Variants in PCSK6 observed in about 807,000 individuals in gnomAD.
PCSK6 encodes the protein proprotein convertase subtilisin/kexin type 6.
PCSK6 carries 85 observed loss-of-function variants against 123.3 expected under a neutral mutation model. The observed-to-expected ratio is 0.69, with a 90% CI of 0.58 to 0.83. The LOEUF (loss-of-function observed/expected upper bound fraction) is 0.83, where lower values mean the gene tolerates loss of function less well. PCSK6 is among the 40% of genes least tolerant of loss of function. The probability of loss-of-function intolerance (pLI) is 0.00; values close to 1 mark genes in which losing one functional copy is unlikely to be tolerated. For missense variants in PCSK6, 1,191 were observed against 1,282.3 expected, an observed-to-expected ratio of 0.93 and a Z score of 1.09; for synonymous variants, 508 against 516.0, an observed-to-expected ratio of 0.98 and a Z score of 0.21.
At chr15:101,487,712 G>T (rs1380250922) in intron 1 of PCSK6, among the ~76,000 whole-genome samples, 1 of 152,184 alleles carries the variant, frequency 6.6e-6, no homozygotes, top group African/African-American at 2.4e-5. Flanking sequence ...GGGCACAGCA[G>T]CGAAGTGTGG....
intron 19 of PCSK6, among the ~76,000 whole-genome samples, chr15:101,317,230 A>C (rs1478025692): frequency 6.6e-6 from 1 of 152,190 alleles, no homozygotes; most frequent in Non-Finnish European, 1.5e-5. Flanking sequence ...CTTAATTCTT[A>C]AAGTATTACT....
intron 13 of PCSK6, among the ~76,000 whole-genome samples, chr15:101,351,053 C>A (rs2141410470): frequency 6.6e-6 from 1 of 152,160 alleles, no homozygotes; most frequent in East Asian, 1.9e-4. Context: ...ATTATCTGTG[C>A]TTCAGGGTTA....
chr15:101,415,579 AT>A (rs1011541846), intron 6 of PCSK6, among the ~76,000 whole-genome samples: 7 of 152,166 alleles, frequency 4.6e-5, no homozygotes, highest in East Asian at 3.8e-4. Context: ...TCTGATACAG[AT>A]TTTTTTTACT....
At position 101,430,012 on chromosome 15, in the gene PCSK6, G is replaced by A. The variant is rs868036286; in HGVS notation, c.709C>T (p.Arg237Ter). ...VNGNDYDPSP[R>*]YDASNENKHG... ...TTATTTTCATTGCTGGCATCATATCGTGGAGATGGGTCATAATCATTGCCG... is the reference window on the plus strand; with the variant it reads ...TTATTTTCATTGCTGGCATCATATCATGGAGATGGGTCATAATCATTGCCG... Residue 237 changes from arginine to a stop codon, truncating the protein, a stop_gained, in exon 5 of 22, where the codon CGA becomes TGA. Coordinates refer to ENST00000611716, the MANE Select transcript of PCSK6 (RefSeq NM_002570.5). LOFTEE classifies it high-confidence loss of function. 1.2e-5 allele frequency: 20 copies of A among 1,613,778 alleles called. No homozygotes were observed. The highest frequency in any genetic ancestry group is 1.7e-5 in the Admixed American group (1 of 60,022).
intron 1 of PCSK6, among the ~76,000 whole-genome samples, chr15:101,483,232 G>A (rs150580141): frequency 1.5e-3 from 232 of 152,304 alleles, no homozygotes; most frequent in Middle Eastern, 0.01. Context: ...GCTGTGGCTG[G>A]AACAAGTTCT....
intron 1 of PCSK6, among the ~76,000 whole-genome samples, chr15:101,474,552 T>C (rs919717367): frequency 2.6e-5 from 4 of 152,222 alleles, no homozygotes; most frequent in African/African-American, 9.6e-5. Context: ...TACCCTCTAA[T>C]GGCATCGAGG....
At chr15:101,362,749 A>C (rs1260841985) in intron 13 of PCSK6, among the ~76,000 whole-genome samples, 1 of 152,208 alleles carries the variant, frequency 6.6e-6, no homozygotes, top group Non-Finnish European at 1.5e-5. Context: ...AAGGCCTAGA[A>C]AAGCTAAGTG....
At chr15:101,324,265 G>A (rs3784513) in intron 17 of PCSK6, among the ~76,000 whole-genome samples, 31,018 of 152,192 alleles carry the variant, frequency 0.2, 3,596 homozygotes, top group East Asian at 0.29. Flanking sequence ...CCCAACTGAC[G>A]TTGGTCAGCA....
intron 13 of PCSK6, among the ~76,000 whole-genome samples, chr15:101,345,686 G>A (rs147114601): frequency 2.6e-5 from 4 of 151,646 alleles, no homozygotes; most frequent in Admixed American, 2.0e-4. Context: ...TCTTTTTTTT[G>A]AGACGGAGTC....
intron 11 of PCSK6, among the ~76,000 whole-genome samples, chr15:101,373,342 G>A (rs2041640342): frequency 6.6e-6 from 1 of 152,202 alleles, no homozygotes; most frequent in Non-Finnish European, 1.5e-5. Context: ...CCTGGAACAA[G>A]GCTAACTGTA....
chr15:101,313,859 A>G (rs1439642780), intron 19 of PCSK6: 3 of 196,010 alleles, frequency 1.5e-5, no homozygotes, highest in Non-Finnish European at 3.1e-5. Flanking sequence ...TATAAAAAAT[A>G]TAAAACAGCT....
intron 5 of PCSK6, 39 bp downstream of exon 5, chr15:101,429,948 G>A (rs757820832): frequency 6.6e-7 from 1 of 1,511,508 alleles, no homozygotes; most frequent in Non-Finnish European, 9.2e-7. Flanking sequence ...GCTGCAGGGA[G>A]GGGAAGAGAA....
chr15:101,408,042 A>C (rs984268091), intron 6 of PCSK6, among the ~76,000 whole-genome samples: 2 of 152,182 alleles, frequency 1.3e-5, no homozygotes, highest in Non-Finnish European at 2.9e-5. Context: ...GGAGAACAGA[A>C]GTGCATGGCC....
In PCSK6 at chr15:101,398,194, G is replaced by A. The variant is rs1318227362; in HGVS notation, c.996+210C>T. On this transcript the variant is annotated intron_variant, in intron 7 of 21. Transcript: ENST00000611716. This position sits in a 1 kb window ranked among gnomAD's most constrained non-coding sequence, Gnocchi z 4.6. ...GGCTGTCACTGGAACAGCTGTTCTG[G>A]AACGAGGCAAAAACACTTCTGCTCT... Among the ~76,000 whole-genome samples the A allele has an allele frequency of 3.3e-5, 5 of 152,174 alleles. No homozygotes were observed. The highest frequency in any genetic ancestry group is 4.8e-5 in the African/African-American group (2 of 41,440).
At chr15:101,403,762 C>G (rs1259539841) in intron 6 of PCSK6, among the ~76,000 whole-genome samples, 2 of 152,042 alleles carry the variant, frequency 1.3e-5, no homozygotes, top group Non-Finnish European at 2.9e-5. Flanking sequence ...CTCTGTTGCC[C>G]AGGTTGGAGG....
chr15:101,367,518 C>T (rs966645294), intron 12 of PCSK6, among the ~76,000 whole-genome samples: 2 of 152,296 alleles, frequency 1.3e-5, no homozygotes, highest in South Asian at 2.1e-4. Flanking sequence ...CCTGTGCTTT[C>T]TTCTAAGAAA....
chr15:101,429,325 C>T (rs1235539543), intron 5 of PCSK6, among the ~76,000 whole-genome samples: 1 of 152,164 alleles, frequency 6.6e-6, no homozygotes, highest in African/African-American at 2.4e-5. Flanking sequence ...ACCCCACTGC[C>T]TCCACTTGCA....
chr15:101,418,749 G>A (rs1203829343), intron 6 of PCSK6, among the ~76,000 whole-genome samples: 2 of 152,128 alleles, frequency 1.3e-5, no homozygotes, highest in Non-Finnish European at 2.9e-5. Context: ...CCGACATCAG[G>A]TGATCCACCC....
At chr15:101,470,269 CAAT>C (rs1162029687) in intron 1 of PCSK6, among the ~76,000 whole-genome samples, 6 of 152,308 alleles carry the variant, frequency 3.9e-5, no homozygotes, top group South Asian at 2.1e-4. Context: ...CCTTTTACAA[CAAT>C]GACATCTTAT....
Sources: allele counts gnomAD v4.1 joint callset (sites outside exome capture counted in the v4.1 genomes callset), GRCh38; gene constraint gnomAD v4.1.1; non-coding constraint Gnocchi (gnomAD v3.1); transcripts MANE v1.5; gene names NCBI Gene and HGNC (gene_info 2026-07-23, HGNC 2026-07-21).